UBTD1: variants seen among roughly 807,000 people sequenced by gnomAD.
The protein encoded by UBTD1 is ubiquitin domain-containing protein 1.
UBTD1 carries 19 observed loss-of-function variants against 21.7 expected under a neutral mutation model. The ratio of observed to expected loss-of-function variants is 0.87; its 90% confidence interval spans 0.61 to 1.28. UBTD1 has a LOEUF of 1.28. Ranked by LOEUF, UBTD1 falls within the 50% of genes most tolerant of loss-of-function variation. The pLI is 0.00. For missense variants in UBTD1, 282 were observed against 315.1 expected, an observed-to-expected ratio of 0.89 and a Z score of 0.80; for synonymous variants, 116 against 135.1, an observed-to-expected ratio of 0.86 and a Z score of 0.98.
chr10:97,539,303 A>C, intron 1 of UBTD1, among the ~76,000 whole-genome samples: 1 of 152,154 alleles, frequency 6.6e-6, no homozygotes, highest in East Asian at 1.9e-4. Context: ...ACTTCGAAAA[A>C]AAGTTTTGGG....
chr10:97,499,314 A>G (rs1011961596), intron 1 of UBTD1, 41 bp downstream of exon 1: 17 of 1,539,326 alleles, frequency 1.1e-5, no homozygotes, highest in Non-Finnish European at 1.5e-5. Flanking sequence ...GCATCCCGCC[A>G]GTTGTCCCCC....
chr10:97,526,854 C>CAAAAAA (rs35330483), intron 1 of UBTD1, among the ~76,000 whole-genome samples: 1 of 63,300 alleles, frequency 1.6e-5, no homozygotes, highest in Non-Finnish European at 2.9e-5. Context: ...GACTCCGTCT[C>CAAAAAA]AAAAAAAAAA....
intron 2 of UBTD1, among the ~76,000 whole-genome samples, chr10:97,569,790 AG>A (rs1382501791): frequency 6.6e-6 from 1 of 152,056 alleles, no homozygotes. Flanking sequence ...TGTCTCTACA[AG>A]AACTGTAAGC....
chr10:97,556,578 G>T (rs1198032725), intron 1 of UBTD1, among the ~76,000 whole-genome samples: 1 of 152,216 alleles, frequency 6.6e-6, no homozygotes, highest in Non-Finnish European at 1.5e-5. Flanking sequence ...AGTATTATAT[G>T]ATTTTTTCAG....
chr10:97,547,754 G>C (rs945596040), intron 1 of UBTD1, among the ~76,000 whole-genome samples: 1 of 152,072 alleles, frequency 6.6e-6, no homozygotes. Flanking sequence ...TAGTGGAGAT[G>C]GGGTTTCACC....
chr10:97,525,946 G>A (rs1372211878), intron 1 of UBTD1, among the ~76,000 whole-genome samples: 1 of 152,148 alleles, frequency 6.6e-6, no homozygotes, highest in Non-Finnish European at 1.5e-5. Flanking sequence ...TAGGTAGTGG[G>A]GAGCCATAGA....
At chr10:97,514,189 G>T (rs910036510) in intron 1 of UBTD1, among the ~76,000 whole-genome samples, 2 of 152,038 alleles carry the variant, frequency 1.3e-5, no homozygotes, top group Non-Finnish European at 2.9e-5. Context: ...CTGTGAGCAG[G>T]CAGGATGGGA....
chr10:97,533,602 A>G (rs1354321427), intron 1 of UBTD1, among the ~76,000 whole-genome samples: 6 of 152,058 alleles, frequency 3.9e-5, no homozygotes, highest in Non-Finnish European at 7.4e-5. Context: ...ACCTCCACCA[A>G]GTCTGACTCA....
intron 1 of UBTD1, among the ~76,000 whole-genome samples, chr10:97,522,587 C>A (rs2040471002): frequency 6.6e-6 from 1 of 152,094 alleles, no homozygotes; most frequent in African/African-American, 2.4e-5. Flanking sequence ...GGAAACACAA[C>A]CCCAGAGATG....
intron 1 of UBTD1, among the ~76,000 whole-genome samples, chr10:97,542,431 C>T (rs2040591399): frequency 6.6e-6 from 1 of 152,222 alleles, no homozygotes; most frequent in African/African-American, 2.4e-5. Context: ...GAAACAGGAC[C>T]TCCCTCCCTC....
At position 97,515,997 on chromosome 10, in the gene UBTD1, T is replaced by C. The variant is rs1306870625; in HGVS notation, c.70+16724T>C. Among the ~76,000 whole-genome samples, 10 of 152,240 alleles carry C rather than the reference T, an allele frequency of 6.6e-5. No individual in the cohort carries two copies. The East Asian group carries it at 9.6e-4, about 15-fold the overall frequency. On this transcript the variant is annotated intron_variant, in intron 1 of 2. Transcript: ENST00000370664. The stretch of plus-strand genomic sequence containing the variant: ...GGTCCCAGGGAGGAAACTGGGTTTA[T>C]GTGGAACATTTAATAGCCACATAAG...
Position 97,533,410 on chromosome 10 carries a change from G to A in UBTD1, c.70+34137G>A, listed in dbSNP as rs1001433188. Among the ~76,000 whole-genome samples, 6 of 152,206 alleles carry A rather than the reference G, an allele frequency of 3.9e-5. No homozygotes were observed. The East Asian group carries it at 7.7e-4, about 20-fold the overall frequency. On this transcript the variant is annotated intron_variant, in intron 1 of 2. Transcript: ENST00000370664. ...CTGTCTGCAAGGGAGACTTCTTCCC[G>A]GGGCTTTGCTTTCTCCTGGGTTTCA...
intron 1 of UBTD1, among the ~76,000 whole-genome samples, chr10:97,524,094 A>C (rs1206826041): frequency 6.6e-6 from 1 of 152,018 alleles, no homozygotes; most frequent in South Asian, 2.1e-4. Flanking sequence ...TCCCACCCTG[A>C]TCACAGTGCC....
At chr10:97,559,141 G>A (rs944727318) in intron 1 of UBTD1, among the ~76,000 whole-genome samples, 3 of 152,226 alleles carry the variant, frequency 2.0e-5, no homozygotes, top group Non-Finnish European at 4.4e-5. Flanking sequence ...TTAGTGTTGG[G>A]AGACGGAAGC....
intron 1 of UBTD1, among the ~76,000 whole-genome samples, chr10:97,510,738 C>T (rs1180094839): frequency 6.6e-6 from 1 of 152,074 alleles, no homozygotes; most frequent in African/African-American, 2.4e-5. Context: ...ACTGTTCGAC[C>T]CATTTATTCA....
intron 1 of UBTD1, among the ~76,000 whole-genome samples, chr10:97,522,794 A>G (rs1290358019): frequency 6.6e-6 from 1 of 152,190 alleles, no homozygotes; most frequent in Non-Finnish European, 1.5e-5. Flanking sequence ...GGTGCCAGGA[A>G]TAAGACAAAG....
At chr10:97,540,327 A>G (rs1212413036) in intron 1 of UBTD1, among the ~76,000 whole-genome samples, 1 of 152,228 alleles carries the variant, frequency 6.6e-6, no homozygotes, top group Non-Finnish European at 1.5e-5. Flanking sequence ...CTTCCTGAGC[A>G]TCGGCTAGAC....
chr10:97,568,657 A>G (rs1253027350), intron 2 of UBTD1, among the ~76,000 whole-genome samples: 1 of 151,884 alleles, frequency 6.6e-6, no homozygotes, highest in Non-Finnish European at 1.5e-5. Flanking sequence ...CCTAAGCTCC[A>G]GTGATCCACT....
intron 1 of UBTD1, among the ~76,000 whole-genome samples, chr10:97,559,316 C>T (rs2040680934): frequency 6.6e-6 from 1 of 152,234 alleles, no homozygotes; most frequent in Non-Finnish European, 1.5e-5. Flanking sequence ...ATCAGGGCCT[C>T]TGGCCTGCCA....
Sources: gnomAD v4.1 joint callset for allele counts (sites outside exome capture counted in the v4.1 genomes callset) on GRCh38, gnomAD v4.1.1 for gene constraint, MANE v1.5 for transcripts, NCBI Gene and HGNC (gene_info 2026-07-23, HGNC 2026-07-21) for gene names.